The following CTU2 variants were observed in gnomAD, a reference collection of about 807,000 sequenced individuals.
The protein encoded by CTU2 is cytosolic thiouridylase subunit 2.
CTU2 carries 80 observed loss-of-function variants against 64.1 expected under a neutral mutation model. The observed-to-expected ratio is 1.25, with a 90% confidence interval of 1.04 to 1.50. The LOEUF is 1.50. Among genes scored for constraint, CTU2 ranks in the 40% most tolerant of loss-of-function variants. The pLI, the probability that CTU2 is intolerant of heterozygous loss-of-function variation, is 0.00. For missense variants in CTU2, 1,110 were observed against 690.2 expected (o/e 1.61, Z -6.81); for synonymous variants, 482 against 285.3 (o/e 1.69, Z -6.95).
rs201104411 is a variant in CTU2 at position 88,712,895 on chromosome 16, C to G, written c.727C>G (p.Gln243Glu). The G allele has an allele frequency of 2.0e-6, 3 of 1,526,136 alleles. No homozygotes were observed. Among genetic ancestry groups the G allele is most frequent in the Admixed American group, 2.1e-5 (1 of 48,670 alleles). The allele number at this position is 1,526,136 out of a possible 1,614,324, so 94.5% of individuals were successfully genotyped here. Reference sequence around the variant, plus strand: ...ACTGACTGCCAAGGAGGAGCTTCTGCAGACCCTGCGGTGAGGCCCCGAGAG... The same window carrying G: ...ACTGACTGCCAAGGAGGAGCTTCTGGAGACCCTGCGGTGAGGCCCCGAGAG... ...RTLTAKEELL[Q>E]TLRTHLILHM... Residue 243 changes from glutamine (Q) to glutamate (E), a missense_variant, in exon 7 of 15, where the codon CAG (glutamine) becomes GAG (glutamate). Transcript: ENST00000453996.
chr16:88,710,545 G>A (rs1019923137), intron 4 of CTU2: 10 of 508,594 alleles, frequency 2.0e-5, no homozygotes, highest in Admixed American at 7.1e-5. Context: ...GCGTGTGTGC[G>A]GCCCACTCTC....
Position 88,706,528 on chromosome 16 carries a change from C to T in CTU2, c.-3C>T, listed in dbSNP as rs570424055. On this transcript the variant is annotated 5_prime_UTR_variant, in exon 1 of 15. Coordinates refer to ENST00000453996, the MANE Select transcript of CTU2 (RefSeq NM_001012759.3). ...ACAGTCTGCGACGGGACCCGGCGTG[C>T]CCATGTGTCAGGTGGGCGAGGACTA... 20 of 1,449,350 alleles carry T rather than the reference C, an allele frequency of 1.4e-5. No individual in the cohort carries two copies. The highest frequency in any genetic ancestry group is 1.3e-5 in the Non-Finnish European group (14 of 1,108,028). 89.8% of individuals were successfully genotyped at this position (1,449,350 alleles called of 1,614,324 possible).
chr16:88,714,254 G>C (rs753902691), intron 10 of CTU2, 27 bp downstream of exon 10: 13 of 1,599,734 alleles, frequency 8.1e-6, no homozygotes, highest in Non-Finnish European at 1.1e-5. Flanking sequence ...GTGTGTGCGG[G>C]GGGTGCGCGG....
intron 8 of CTU2, 54 bp from the exon 9 acceptor site, chr16:88,713,593 G>A (rs1911558684): frequency 1.9e-6 from 3 of 1,586,400 alleles, no homozygotes; most frequent in Non-Finnish European, 1.7e-6. Context: ...CAGGGGAGGA[G>A]GGGCAAGCAC....
intron 4 of CTU2, among the ~76,000 whole-genome samples, chr16:88,711,260 G>C (rs1911296092): frequency 1.3e-5 from 2 of 152,202 alleles, no homozygotes; most frequent in Non-Finnish European, 2.9e-5. Context: ...CTTGCAGGCT[G>C]TTGGTTTCTG....
intron 5 of CTU2, chr16:88,711,999 A>G: frequency 1.6e-6 from 1 of 608,522 alleles, no homozygotes; most frequent in South Asian, 1.9e-5. Context: ...AAAGAAGGGC[A>G]AGTTAAGTGC....
At chr16:88,707,316 A>G in intron 2 of CTU2, 106 bp downstream of exon 2, 1 of 1,048,968 alleles carries the variant, frequency 9.5e-7, no homozygotes, top group Non-Finnish European at 1.5e-6. Context: ...ACATGTACTT[A>G]CTTTATTCCT....
rs754595424 is a variant in CTU2 at position 88,710,265 on chromosome 16, G to T, written c.265G>T (p.Val89Phe). The change falls in exon 4 of 15, where the codon GTC becomes TTC. Residue 89 changes from valine (V) to phenylalanine (F), a missense_variant. Physicochemically the swap from Val to Phe is conservative, Grantham distance 50 (BLOSUM62 -1). Coordinates refer to ENST00000453996, the MANE Select transcript of CTU2 (RefSeq NM_001012759.3). ...WSGGPSSSSM[V>F]WQVLEGLSQD... is the part of the protein sequence containing the mutation. ...TGGGGGGCCTTCGTCCAGCTCCATGGTCTGGCAGGTTCTTGAGGTGCGTGT... is the reference window on the plus strand; with the variant it reads ...TGGGGGGCCTTCGTCCAGCTCCATGTTCTGGCAGGTTCTTGAGGTGCGTGT... 1 of 1,614,044 alleles carries T rather than the reference G, an allele frequency of 6.2e-7. No individual in the cohort carries two copies. Among genetic ancestry groups the T allele is most frequent in the Non-Finnish European group, 8.5e-7 (1 of 1,180,006 alleles).
intron 12 of CTU2, 21 bp from the exon 13 acceptor site, chr16:88,714,839 C>T (rs764045595): frequency 6.2e-6 from 10 of 1,612,428 alleles, no homozygotes; most frequent in Non-Finnish European, 8.5e-6. Context: ...GGTGGGCACA[C>T]AGCCAGCTCT....
chr16:88,707,114 C>G, intron 1 of CTU2, 22 bp from the exon 2 acceptor site: 2 of 1,611,164 alleles, frequency 1.2e-6, no homozygotes, highest in African/African-American at 1.3e-5. Context: ...TTTCTCTCTT[C>G]TCCCCCCTCC....
At chr16:88,715,008 G>A (rs1299197163) in intron 13 of CTU2, 40 bp from the exon 14 acceptor site, 1 of 1,591,292 alleles carries the variant, frequency 6.3e-7, no homozygotes, top group Admixed American at 1.7e-5. Flanking sequence ...AGGGGGTGCT[G>A]GCAGGTTTCT....
rs781297466 is a variant in CTU2 at position 88,712,816 on chromosome 16, G to C, written c.648G>C (p.Pro216=). The part of the protein sequence containing the change: ...PPLDPQNLAR[P]PAPAQTEALS... ...TGGACCCCCAGAACCTGGCAAGACCGCCTGCCCCTGCCCAGACTGAGGCTC... is the reference window on the plus strand; with the variant it reads ...TGGACCCCCAGAACCTGGCAAGACCCCCTGCCCCTGCCCAGACTGAGGCTC... Residue 216 remains proline, a synonymous_variant, in exon 7 of 15, where the codon CCG becomes CCC. Coordinates refer to ENST00000453996, the MANE Select transcript of CTU2 (RefSeq NM_001012759.3). The C allele has an allele frequency of 1.9e-6, 3 of 1,601,028 alleles. No individual in the cohort carries two copies. Among genetic ancestry groups the C allele is most frequent in the Non-Finnish European group, 1.7e-6 (2 of 1,174,270 alleles).
rs1911211092 is a variant in CTU2, at chr16:88,710,274, G to C, written c.274G>C (p.Val92Leu). The C allele has an allele frequency of 6.2e-7, 1 of 1,613,898 alleles. No homozygotes were observed. The highest frequency in any genetic ancestry group is 1.7e-5 in the Admixed American group (1 of 60,006). ...TTCGTCCAGCTCCATGGTCTGGCAG[G>C]TTCTTGAGGTGCGTGTTCACCACCC... ...GPSSSSMVWQ[V>L]LEGLSQDSAK... is the part of the protein sequence containing the mutation. Residue 92 changes from valine (V) to leucine (L), a missense_variant, in exon 4 of 15, where the codon GTT becomes CTT. By Grantham distance (32) the Val-to-Leu change is conservative. Transcript: ENST00000453996.
rs975741767 is a variant in CTU2 at position 88,706,960 on chromosome 16, A to C, written c.69-176A>C. ...TTTTCTAGGCTAAACATCCCCCCAG[A>C]GCCTTTGTTTTTCTTGAAGTTTGGA... On this transcript the variant is annotated intron_variant, in intron 1 of 14. Coordinates refer to ENST00000453996, the MANE Select transcript of CTU2 (RefSeq NM_001012759.3). 3.1e-5 allele frequency: 20 copies of C among 645,830 alleles called. No individual in the cohort carries two copies. The Middle Eastern group carries it at 2.7e-3, about 86-fold the overall frequency. The allele number at this position is 645,830 out of a possible 1,614,324, so 40.0% of individuals were successfully genotyped here.
intron 5 of CTU2, 152 bp from the exon 6 acceptor site, chr16:88,712,122 C>T (rs1414713540): frequency 1.3e-6 from 1 of 745,994 alleles, no homozygotes; most frequent in African/African-American, 1.7e-5. Context: ...AACCCCTGCC[C>T]AAAGGAAAAT....
At chr16:88,714,964 G>A (rs773102073) in intron 13 of CTU2, 38 bp downstream of exon 13, 3 of 1,595,926 alleles carry the variant, frequency 1.9e-6, no homozygotes, top group East Asian at 4.6e-5. Context: ...CGGGCTTGGG[G>A]ACGCGGGAAG....
At chr16:88,715,149 C>T (rs374895834) in intron 14 of CTU2, 33 bp from the exon 15 acceptor site, 27 of 1,609,210 alleles carry the variant, frequency 1.7e-5, no homozygotes, top group Middle Eastern at 1.7e-4. Context: ...TAAGGGGCCT[C>T]GGGGCTGGTG....
At chr16:88,708,682 T>C (rs1192753864) in intron 2 of CTU2, among the ~76,000 whole-genome samples, 1 of 152,150 alleles carries the variant, frequency 6.6e-6, no homozygotes, top group Non-Finnish European at 1.5e-5. Context: ...CGGCCTCTTG[T>C]ACGTGGTATC....
At chr16:88,706,660 G>A (rs1371783016) in intron 1 of CTU2, 62 bp downstream of exon 1, 3 of 1,230,428 alleles carry the variant, frequency 2.4e-6, no homozygotes, top group African/African-American at 1.6e-5. Flanking sequence ...CTCCTGCCCC[G>A]AAGGGTCCCG....
Sources: gnomAD v4.1 joint callset for allele counts (sites outside exome capture counted in the v4.1 genomes callset) on GRCh38, gnomAD v4.1.1 for gene constraint, MANE v1.5 for transcripts, NCBI Gene and HGNC (gene_info 2026-07-23, HGNC 2026-07-21) for gene names.